DOCK6: variants seen among roughly 807,000 people sequenced by gnomAD.
DOCK6 encodes the protein dedicator of cytokinesis 6, also known as dedicator of cytokinesis protein 6.
DOCK6 carries 167 observed loss-of-function variants against 230.3 expected under a neutral mutation model. The observed-to-expected ratio is 0.73, with a 90% CI of 0.64 to 0.82. The LOEUF is 0.82. Ranked by LOEUF, DOCK6 falls within the 40% of genes least tolerant of loss-of-function variation. The pLI, the probability that DOCK6 is intolerant of heterozygous loss-of-function variation, is 0.00. For synonymous variants in DOCK6, 1,148 were observed against 1,185.0 expected (o/e 0.97, Z 0.64); for missense variants, 2,598 against 2,825.8 (o/e 0.92, Z 1.83).
At chr19:11,214,744 G>GC in intron 32 of DOCK6, 95 bp from the exon 33 acceptor site, 3 of 1,066,960 alleles carry the variant, frequency 2.8e-6, no homozygotes, top group South Asian at 1.4e-5. Context: ...AGGGGGCACT[G>GC]GCTCCCTGGA....
In DOCK6 at chr19:11,252,107, G is replaced by A; in HGVS notation, c.507+12C>T. 6.3e-7 allele frequency: 1 copy of A among 1,585,584 alleles called. No individual in the cohort carries two copies. Among genetic ancestry groups the A allele is most frequent in the Non-Finnish European group, 8.6e-7 (1 of 1,166,862 alleles). ...ATACCCCTTCAGTGACCCCAGCCAG[G>A]GGCTTCCTCACCGAGTCCTCAGGGC... On this transcript the variant is annotated intron_variant, in intron 5 of 47. Coordinates refer to ENST00000294618, the MANE Select transcript of DOCK6 (RefSeq NM_020812.4).
In DOCK6 at chr19:11,230,339, C is replaced by CA. The variant is rs551861467; in HGVS notation, c.2719-1305dup. ...GAGTGATAAGAGCGAGACTCCGTCT[C>CA]AAAAAAAAAAGAACGTGATGGAGGA... On this transcript the variant is annotated intron_variant, in intron 22 of 47. Transcript: ENST00000294618. Among the ~76,000 whole-genome samples, 1,348 of 146,958 alleles carry CA rather than the reference C, an allele frequency of 9.2e-3. 16 individuals carry two copies. The highest frequency in any genetic ancestry group is 0.01 in the Non-Finnish European group (674 of 66,408).
intron 39 of DOCK6, among the ~76,000 whole-genome samples, chr19:11,206,566 A>G (rs2079264092): frequency 6.8e-6 from 1 of 146,704 alleles, no homozygotes; most frequent in East Asian, 1.9e-4. Flanking sequence ...GTCTCAGAAA[A>G]AAAAAAGAAA....
chr19:11,207,935 A>G (rs1301174485), intron 39 of DOCK6, among the ~76,000 whole-genome samples: 1 of 151,776 alleles, frequency 6.6e-6, no homozygotes, highest in Non-Finnish European at 1.5e-5. Context: ...TGTCTCAAAA[A>G]ATATCACAAA....
intron 21 of DOCK6, among the ~76,000 whole-genome samples, chr19:11,234,594 T>C (rs1482735763): frequency 6.6e-6 from 1 of 151,770 alleles, no homozygotes; most frequent in Admixed American, 6.6e-5. Context: ...CTATTACCAG[T>C]GCCCCCATGA....
chr19:11,259,328 C>T (rs1040280521), intron 1 of DOCK6, among the ~76,000 whole-genome samples: 3 of 151,860 alleles, frequency 2.0e-5, no homozygotes, highest in Admixed American at 6.6e-5. Context: ...ATACCTGGCC[C>T]AAAATTTGTA....
intron 28 of DOCK6, chr19:11,221,538 C>T: frequency 3.3e-6 from 1 of 306,890 alleles, no homozygotes; most frequent in Non-Finnish European, 6.1e-6. Context: ...TTTTGCTCTT[C>T]TTAGAAAATA....
At chr19:11,240,047 A>G (rs1206331851) in intron 14 of DOCK6, 12 of 1,548,294 alleles carry the variant, frequency 7.8e-6, no homozygotes, top group Admixed American at 2.0e-5. Context: ...CCTGGGATAC[A>G]AGATTTTCAG....
chr19:11,243,569 C>CA lies in DOCK6; in HGVS notation c.1245dup (p.Asp416Ter), dbSNP rs1226716539. On this transcript the variant is annotated frameshift_variant, in exon 11 of 48. Coordinates refer to ENST00000294618, the MANE Select transcript of DOCK6 (RefSeq NM_020812.4). LOFTEE classifies it high-confidence loss of function. This position sits in a 1 kb window ranked among gnomAD's most constrained non-coding sequence, Gnocchi z 6.3. Reference sequence around the variant, plus strand: ...CCCGCCTCCTCACCGCCCTCCGAGTCAGAGTCCCGGTCCAGCTGCCCAGCG... The same window carrying CA: ...CCCGCCTCCTCACCGCCCTCCGAGTCAAGAGTCCCGGTCCAGCTGCCCAGCG... 3.1e-6 allele frequency: 5 copies of CA among 1,604,928 alleles called. No homozygotes were observed. Among genetic ancestry groups the CA allele is most frequent in the East Asian group, 2.2e-5 (1 of 44,452 alleles).
chr19:11,235,758 C>A lies in DOCK6; in HGVS notation c.2394G>T (p.Val798=). The A allele has an allele frequency of 6.3e-7, 1 of 1,586,310 alleles. No individual in the cohort carries two copies. The highest frequency in any genetic ancestry group is 1.2e-5 in the South Asian group (1 of 86,860). The change falls in exon 21 of 48, where the codon GTG becomes GTT. Residue 798 remains valine (V), a splice_region_variant and synonymous_variant. Transcript: ENST00000294618. ...CTTCAAAGGCTCCACGGCCCAGGTT[C>A]ACTGCAGGGCAGAGCAGAGGTCAAG... The part of the protein sequence containing the change: ...IRPPIISGQI[V]NLGRGAFEAM...
chr19:11,262,258 G>C (rs2080303158), intron 1 of DOCK6, 139 bp downstream of exon 1: 5 of 529,436 alleles, frequency 9.4e-6, no homozygotes, highest in Non-Finnish European at 1.0e-5. Context: ...TCCCAGCCCC[G>C]GCCGGAGGAA....
At chr19:11,220,068 C>T (rs1372057539) in intron 28 of DOCK6, among the ~76,000 whole-genome samples, 1 of 151,958 alleles carries the variant, frequency 6.6e-6, no homozygotes, top group Non-Finnish European at 1.5e-5. Flanking sequence ...ATACTCCTGC[C>T]TCAGCCTCCC....
chr19:11,212,707 C>A (rs1223209271), intron 35 of DOCK6, among the ~76,000 whole-genome samples: 1 of 151,218 alleles, frequency 6.6e-6, no homozygotes, highest in Non-Finnish European at 1.5e-5. Context: ...GGATTACAGG[C>A]ACCCGCCACC....
chr19:11,252,767 G>A lies in DOCK6; in HGVS notation c.308+16C>T, dbSNP rs372566931. 4.7e-5 allele frequency: 75 copies of A among 1,602,348 alleles called. No individual in the cohort carries two copies. The highest frequency in any genetic ancestry group is 3.3e-4 in the African/African-American group (25 of 74,836). ...GAGTGGAATCACAGGCAGAGAGGGCGTGGGGCTGAACCCACTCATCCTTGG... is the reference window on the plus strand; with the variant it reads ...GAGTGGAATCACAGGCAGAGAGGGCATGGGGCTGAACCCACTCATCCTTGG... On this transcript the variant is annotated intron_variant, in intron 3 of 47. Transcript: ENST00000294618.
At chr19:11,238,007 T>A (rs776314877) in intron 16 of DOCK6, 38 bp downstream of exon 16, 1 of 1,601,892 alleles carries the variant, frequency 6.2e-7, no homozygotes, top group South Asian at 1.1e-5. Context: ...CCTACCCCCA[T>A]GAGTGCCCCC....
At chr19:11,247,510 G>C (rs1429107512) in intron 7 of DOCK6, 2 of 153,284 alleles carry the variant, frequency 1.3e-5, no homozygotes, top group Admixed American at 1.3e-4. Context: ...TTCCTGCCCC[G>C]ATCCAGGCAA....
At position 11,201,668 on chromosome 19, in the gene DOCK6, G is replaced by A. The variant is rs1196635688; in HGVS notation, c.5688+221C>T. 6.6e-6 allele frequency among the ~76,000 whole-genome samples: 1 copy of A among 151,620 alleles called. No homozygotes were observed. The highest frequency in any genetic ancestry group is 1.5e-5 in the Non-Finnish European group (1 of 67,858). ...GTCTGGAATCCCTGGGCCACCCTGGGTCTGGGGTCCCTGCATCTTGCCTCC... is the reference window on the plus strand; with the variant it reads ...GTCTGGAATCCCTGGGCCACCCTGGATCTGGGGTCCCTGCATCTTGCCTCC... On this transcript the variant is annotated intron_variant, in intron 44 of 47. Coordinates refer to ENST00000294618, the MANE Select transcript of DOCK6 (RefSeq NM_020812.4). This position sits in a 1 kb window ranked among gnomAD's most constrained non-coding sequence, Gnocchi z 4.3.
chr19:11,225,089 A>G (rs1263610569), intron 24 of DOCK6, among the ~76,000 whole-genome samples: 1 of 151,450 alleles, frequency 6.6e-6, no homozygotes, highest in African/African-American at 2.4e-5. Context: ...TTAGCCGGGC[A>G]TGGTGGCGCA....
Position 11,202,948 on chromosome 19 carries a change from G to T in DOCK6, c.5236-239C>A, listed in dbSNP as rs1468422984. 2.0e-5 allele frequency among the ~76,000 whole-genome samples: 3 copies of T among 152,192 alleles called. No homozygotes were observed. The highest frequency in any genetic ancestry group is 4.4e-5 in the Non-Finnish European group (3 of 68,032). Reference sequence around the variant, plus strand: ...GCCCGTGGGACAGGGTATACAGCAGGTACCCAATACATGCATAGATGGCTG... The same window carrying T: ...GCCCGTGGGACAGGGTATACAGCAGTTACCCAATACATGCATAGATGGCTG... On this transcript the variant is annotated intron_variant, in intron 41 of 47. Transcript: ENST00000294618. The surrounding 1 kb of genome is among the most constrained non-coding windows in gnomAD (Gnocchi z 5.3).
Sources: allele counts gnomAD v4.1 joint callset (sites outside exome capture counted in the v4.1 genomes callset), GRCh38; gene constraint gnomAD v4.1.1; non-coding constraint Gnocchi (gnomAD v3.1); transcripts MANE v1.5; gene names NCBI Gene and HGNC (gene_info 2026-07-23, HGNC 2026-07-21).